The following KIF11 variants were observed in gnomAD, a reference collection of about 807,000 sequenced individuals.
KIF11 encodes kinesin-like protein KIF11.
Under a neutral mutation model 121.0 loss-of-function variants are expected in KIF11, and 9 were observed. The ratio of observed to expected loss-of-function variants is 0.07; its 90% CI spans 0.04 to 0.13. The LOEUF is 0.13. Ranked by LOEUF, KIF11 falls within the 10% of genes least tolerant of loss-of-function variation. KIF11 has a pLI of 1.00. For missense variants in KIF11, 846 were observed against 1,217.5 expected, an observed-to-expected ratio of 0.69 and a Z score of 4.54; for synonymous variants, 408 against 421.0, an observed-to-expected ratio of 0.97 and a Z score of 0.38.
chr10:92,621,341 GA>G, intron 9 of KIF11, 43 bp from the exon 10 acceptor site: 1 of 1,216,164 alleles, frequency 8.2e-7, no homozygotes, highest in Non-Finnish European at 1.2e-6. Flanking sequence ...CAAACTGAAT[GA>G]AAAAAGTACT....
chr10:92,654,036 C>T lies in KIF11; in HGVS notation c.*240C>T, dbSNP rs1466404666. 1.3e-5 allele frequency: 4 copies of T among 308,162 alleles called. No individual in the cohort carries two copies. The highest frequency in any genetic ancestry group is 4.1e-5 in the South Asian group (1 of 24,488). 19.1% of individuals were successfully genotyped at this position (308,162 alleles called of 1,614,324 possible). On this transcript the variant is annotated 3_prime_UTR_variant, in exon 22 of 22. Coordinates refer to ENST00000260731, the MANE Select transcript of KIF11 (RefSeq NM_004523.4). ...TCGTCTCTGTTAAAAATTAGCCGGG[C>T]GTGGTGGCACACTCCTGTAATCCCA...
chr10:92,644,070 A>C (rs1844895497), intron 17 of KIF11, among the ~76,000 whole-genome samples: 1 of 152,178 alleles, frequency 6.6e-6, no homozygotes, highest in Admixed American at 6.5e-5. Flanking sequence ...ATACTAGAGT[A>C]GGATTGAAGT....
chr10:92,631,971 G>T (rs967101296), intron 12 of KIF11, among the ~76,000 whole-genome samples: 1 of 151,936 alleles, frequency 6.6e-6, no homozygotes, highest in Non-Finnish European at 1.5e-5. Context: ...CACCACGTCC[G>T]GCCATTAGGT....
rs1054943383 is a variant in KIF11, at chr10:92,654,075, C to T, written c.*279C>T. On this transcript the variant is annotated 3_prime_UTR_variant, in exon 22 of 22. Transcript: ENST00000260731. Reference sequence around the variant, plus strand: ...CCTGTAATCCCAGCTACTGGGGAGGCTGAGGCACGAGAATCACTTGAACCC... The same window carrying T: ...CCTGTAATCCCAGCTACTGGGGAGGTTGAGGCACGAGAATCACTTGAACCC... 2.1e-4 allele frequency: 50 copies of T among 243,468 alleles called. No individual in the cohort carries two copies. Among genetic ancestry groups the T allele is most frequent in the African/African-American group, 1.1e-3 (50 of 44,886 alleles). The allele number at this position is 243,468 out of a possible 1,614,324, so 15.1% of individuals were successfully genotyped here.
chr10:92,621,114 AAT>A (rs564229072), intron 9 of KIF11, among the ~76,000 whole-genome samples: 254 of 152,306 alleles, frequency 1.7e-3, no homozygotes, highest in Admixed American at 3.0e-3. Context: ...TTTTAGTGTG[AAT>A]TACTCCTACC....
intron 11 of KIF11, among the ~76,000 whole-genome samples, chr10:92,629,147 AT>A (rs1196644406): frequency 6.6e-6 from 1 of 151,144 alleles, no homozygotes; most frequent in African/African-American, 2.4e-5. Context: ...TGCCTGGCTA[AT>A]TTTTTTTGTA....
At chr10:92,626,011 T>G (rs540173904) in intron 10 of KIF11, among the ~76,000 whole-genome samples, 1 of 152,168 alleles carries the variant, frequency 6.6e-6, no homozygotes, top group Non-Finnish European at 1.5e-5. Context: ...CCCAAAGCTA[T>G]TTACAGATTA....
rs1469077270 is a variant in KIF11 at position 92,628,109 on chromosome 10, T to C, written c.1218-699T>C. Among the ~76,000 whole-genome samples the C allele has an allele frequency of 2.0e-5, 3 of 152,132 alleles. No homozygotes were observed. The East Asian group carries it at 5.8e-4, about 29-fold the overall frequency. ...CCAGAGGACATTTGGCAGAGTCCAG[T>C]GACATTTTTTATCATCATGACTTGG... On this transcript the variant is annotated intron_variant, in intron 10 of 21. Transcript: ENST00000260731.
chr10:92,622,844 C>G (rs1844632983), intron 10 of KIF11, among the ~76,000 whole-genome samples: 1 of 151,984 alleles, frequency 6.6e-6, no homozygotes, highest in African/African-American at 2.4e-5. Flanking sequence ...AACTTACAAT[C>G]CTGGTAGAAG....
At chr10:92,629,787 A>AT (rs1008481549) in intron 11 of KIF11, among the ~76,000 whole-genome samples, 1 of 151,682 alleles carries the variant, frequency 6.6e-6, no homozygotes, top group Non-Finnish European at 1.5e-5. Flanking sequence ...TAATTATTTT[A>AT]TTTTTTTGTA....
intron 10 of KIF11, among the ~76,000 whole-genome samples, chr10:92,628,234 C>T (rs2135913504): frequency 6.6e-6 from 1 of 152,196 alleles, no homozygotes; most frequent in South Asian, 2.1e-4. Flanking sequence ...AGAGAGTAAT[C>T]CTTTGTTCTC....
At chr10:92,597,228 C>A in intron 1 of KIF11, 1 of 245,524 alleles carries the variant, frequency 4.1e-6, no homozygotes, top group South Asian at 6.0e-5. Flanking sequence ...ATGAGCTGCT[C>A]CAACACCTTG....
chr10:92,639,206 A>G (rs1420950733), intron 16 of KIF11, among the ~76,000 whole-genome samples: 1 of 152,244 alleles, frequency 6.6e-6, no homozygotes, highest in Non-Finnish European at 1.5e-5. Flanking sequence ...ATAATGTGAT[A>G]TATGGGTTGT....
At chr10:92,652,079 A>G (rs1478303994) in intron 21 of KIF11, among the ~76,000 whole-genome samples, 5 of 149,500 alleles carry the variant, frequency 3.3e-5, no homozygotes, top group African/African-American at 1.2e-4. Context: ...CCAAAATGCT[A>G]GGATTACAGG....
rs185891547 is a variant in KIF11 at position 92,649,086 on chromosome 10, G to T, written c.2770+652G>T. ...CCACTGAATTGTACACATAAAATGAGTGTTTTATGGTATGTAAATTATATC... is the reference window on the plus strand; with the variant it reads ...CCACTGAATTGTACACATAAAATGATTGTTTTATGGTATGTAAATTATATC... On this transcript the variant is annotated intron_variant, in intron 19 of 21. Transcript: ENST00000260731. Among the ~76,000 whole-genome samples the T allele has an allele frequency of 9.5e-4, 144 of 151,572 alleles. 1 individual carries two copies. Among genetic ancestry groups the T allele is most frequent in the Middle Eastern group, 3.4e-3 (1 of 294 alleles).
intron 1 of KIF11, among the ~76,000 whole-genome samples, chr10:92,598,297 C>T (rs1161443055): frequency 6.6e-6 from 1 of 152,180 alleles, no homozygotes; most frequent in Non-Finnish European, 1.5e-5. Flanking sequence ...AGGGTCCAAC[C>T]TCATTCTTTT....
At chr10:92,603,017 G>A (rs1280292115) in intron 1 of KIF11, among the ~76,000 whole-genome samples, 2 of 151,592 alleles carry the variant, frequency 1.3e-5, no homozygotes, top group Admixed American at 1.3e-4. Flanking sequence ...ACCACGCCTG[G>A]CTAATTTCAC....
chr10:92,654,079 G>A lies in KIF11; in HGVS notation c.*283G>A, dbSNP rs1589610702. The A allele has an allele frequency of 4.2e-6, 1 of 239,658 alleles. No individual in the cohort carries two copies. The highest frequency in any genetic ancestry group is 8.3e-6 in the Non-Finnish European group (1 of 120,554). The allele number at this position is 239,658 out of a possible 1,614,324, so 14.8% of individuals were successfully genotyped here. A position where few individuals can be genotyped will look rare whatever the true frequency, so the allele number is the denominator to read the frequency against. On this transcript the variant is annotated 3_prime_UTR_variant, in exon 22 of 22. Transcript: ENST00000260731. ...TAATCCCAGCTACTGGGGAGGCTGA[G>A]GCACGAGAATCACTTGAACCCAGGA...
chr10:92,617,746 G>GT (rs200758925), intron 9 of KIF11, among the ~76,000 whole-genome samples: 21,930 of 144,046 alleles, frequency 0.15, 3,437 homozygotes, highest in African/African-American at 0.4. Context: ...TTTTGTTTTT[G>GT]TTTTTTTTTT....
Sources: gnomAD v4.1 joint callset for allele counts (sites outside exome capture counted in the v4.1 genomes callset) on GRCh38, gnomAD v4.1.1 for gene constraint, MANE v1.5 for transcripts, NCBI Gene and HGNC (gene_info 2026-07-23, HGNC 2026-07-21) for gene names.